SAAL1: variants seen among roughly 807,000 people sequenced by gnomAD.
SAAL1 encodes the protein serum amyloid A like 1, also known as protein SAAL1.
Under a neutral mutation model 59.8 loss-of-function variants are expected in SAAL1, and 42 were observed. The ratio of observed to expected loss-of-function variants is 0.70; its 90% CI spans 0.55 to 0.91. The LOEUF (loss-of-function observed/expected upper bound fraction) is 0.91. Ranked by LOEUF, SAAL1 falls within the 40% of genes least tolerant of loss-of-function variation. The pLI is 0.00. For missense variants in SAAL1, 542 were observed against 561.1 expected, an observed-to-expected ratio of 0.97 and a Z score of 0.34; for synonymous variants, 191 against 194.3, an observed-to-expected ratio of 0.98 and a Z score of 0.14.
chr11:18,090,144 C>A, intron 6 of SAAL1, 31 bp downstream of exon 6: 1 of 1,386,414 alleles, frequency 7.2e-7, no homozygotes, highest in Non-Finnish European at 9.7e-7. Flanking sequence ...CAATTTAAAA[C>A]ATTTTTTTTC....
At chr11:18,090,909 A>G (rs976666023) in intron 4 of SAAL1, 1 of 154,962 alleles carries the variant, frequency 6.5e-6, no homozygotes, top group Non-Finnish European at 1.4e-5. Context: ...GAAGACAGTC[A>G]AGGAGGGGAG....
Position 18,090,263 on chromosome 11 carries a change from T to G in SAAL1, c.501A>C (p.Ala167=). The change falls in exon 6 of 12, where the codon GCA becomes GCC. Residue 167 remains alanine (A), a synonymous_variant. Transcript: ENST00000524803. ...TTTCAACCCAAACACTGGCCACTTC[T>G]GCCTGGGAAAGGCAAGTAAGCAACA... ...SRLLLTCLSQ[A]EVASVWVERI... 1 of 1,606,412 alleles carries G rather than the reference T, an allele frequency of 6.2e-7. No homozygotes were observed. Among genetic ancestry groups the G allele is most frequent in the South Asian group, 1.1e-5 (1 of 88,642 alleles).
chr11:18,080,499 TCAAA>T lies in SAAL1; in HGVS notation c.1333-12_1333-9del, dbSNP rs548515589. On this transcript the variant is annotated splice_polypyrimidine_tract_variant and intron_variant, in intron 11 of 11. Coordinates refer to ENST00000524803, the MANE Select transcript of SAAL1 (RefSeq NM_138421.3). ...TTTAATAAAATCTTCCACCTGTGAG[TCAAA>T]CAAACAAACAAAAATCAAACACAGA... 2.4e-4 allele frequency: 379 copies of T among 1,560,282 alleles called. 1 individual carries two copies. In the African/African-American group the frequency reaches 2.8e-3, roughly 12 times the overall value.
intron 1 of SAAL1, among the ~76,000 whole-genome samples, chr11:18,104,734 T>C: frequency 6.6e-6 from 1 of 152,160 alleles, no homozygotes; most frequent in South Asian, 2.1e-4. Flanking sequence ...TGTTTGGGGA[T>C]GGTGAACAGT....
At chr11:18,087,568 G>A (rs748743569) in intron 7 of SAAL1, among the ~76,000 whole-genome samples, 46 of 152,120 alleles carry the variant, frequency 3.0e-4, no homozygotes, top group South Asian at 4.1e-4. Context: ...AAAAGACTGC[G>A]ATTTTTATAG....
Position 18,106,067 on chromosome 11 carries a change from G to C in SAAL1, c.-26C>G. The C allele has an allele frequency of 1.3e-6, 2 of 1,584,430 alleles. No individual in the cohort carries two copies. The highest frequency in any genetic ancestry group is 1.7e-6 in the Non-Finnish European group (2 of 1,172,070). ...GACTTTGTCGCGTCCCGCGCTTGAA[G>C]GCCGTGCCGGAAGCTGCGGAGGAGA... On this transcript the variant is annotated 5_prime_UTR_variant, in exon 1 of 12. Coordinates refer to ENST00000524803, the MANE Select transcript of SAAL1 (RefSeq NM_138421.3).
Position 18,104,970 on chromosome 11 carries a change from T to TG in SAAL1, c.135+936dup, listed in dbSNP as rs1428027753. On this transcript the variant is annotated intron_variant, in intron 1 of 11. Transcript: ENST00000524803. ...AGGAGAGGAACCAATTAGGGAAACA[T>TG]GGGGGGAAGAAAACACATTTACTGA... 1.2e-4 allele frequency among the ~76,000 whole-genome samples: 18 copies of TG among 152,124 alleles called. 1 individual carries two copies. The East Asian group carries it at 3.3e-3, about 28-fold the overall frequency.
intron 7 of SAAL1, among the ~76,000 whole-genome samples, chr11:18,087,560 A>G (rs1400677315): frequency 6.6e-6 from 1 of 152,228 alleles, no homozygotes; most frequent in Non-Finnish European, 1.5e-5. Context: ...AGAACAAAAA[A>G]AGACTGCGAT....
intron 2 of SAAL1, 36 bp from the exon 3 acceptor site, chr11:18,096,890 A>C (rs900270078): frequency 2.8e-6 from 3 of 1,068,508 alleles, no homozygotes; most frequent in Non-Finnish European, 4.3e-6. Flanking sequence ...TGGATGTTGA[A>C]TATTCCTCCC....
intron 2 of SAAL1, among the ~76,000 whole-genome samples, chr11:18,102,863 G>A (rs1224660085): frequency 1.3e-5 from 2 of 152,228 alleles, no homozygotes; most frequent in Admixed American, 6.5e-5. Flanking sequence ...ATTATTTATT[G>A]TCCTTTCCTT....
intron 2 of SAAL1, among the ~76,000 whole-genome samples, chr11:18,101,260 C>A (rs182715470): frequency 3.5e-4 from 53 of 152,246 alleles, no homozygotes; most frequent in African/African-American, 1.1e-3. Context: ...ACCGTATGAT[C>A]CAGCCATGCC....
In SAAL1 at chr11:18,081,514, A is replaced by C. The variant is rs1848409358; in HGVS notation, c.1240-11T>G. ...CTGAGCCACCGTCTCCTAAAACAACAACAAGATTTAATGTCAAAAAAGGAA... is the reference window on the plus strand; with the variant it reads ...CTGAGCCACCGTCTCCTAAAACAACCACAAGATTTAATGTCAAAAAAGGAA... On this transcript the variant is annotated splice_polypyrimidine_tract_variant and intron_variant, in intron 10 of 11. Transcript: ENST00000524803. The C allele has an allele frequency of 1.4e-5, 22 of 1,612,034 alleles. No individual in the cohort carries two copies. Among genetic ancestry groups the C allele is most frequent in the Non-Finnish European group, 1.9e-5 (22 of 1,178,348 alleles).
At chr11:18,083,755 T>A (rs3741199) in intron 9 of SAAL1, 24 bp from the exon 10 acceptor site, 2 of 1,524,558 alleles carry the variant, frequency 1.3e-6, no homozygotes, top group South Asian at 1.3e-5. Context: ...TCAAGAAGCA[T>A]GGAATTGGCC....
chr11:18,097,544 G>A (rs527384749), intron 2 of SAAL1, among the ~76,000 whole-genome samples: 3 of 152,200 alleles, frequency 2.0e-5, no homozygotes, highest in Admixed American at 6.5e-5. Context: ...GGGGGACAAG[G>A]GAAAAAAGCA....
chr11:18,092,840 G>C (rs2134060688), intron 3 of SAAL1, among the ~76,000 whole-genome samples: 1 of 152,266 alleles, frequency 6.6e-6, no homozygotes, highest in South Asian at 2.1e-4. Flanking sequence ...GATGCTCAAG[G>C]AGGGGAGACA....
At chr11:18,100,312 A>C (rs1848621742) in intron 2 of SAAL1, among the ~76,000 whole-genome samples, 3 of 152,244 alleles carry the variant, frequency 2.0e-5, no homozygotes, top group Non-Finnish European at 4.4e-5. Context: ...GCTATAAAAC[A>C]AATCTCAACA....
Position 18,104,793 on chromosome 11 carries a change from T to TGTAC in SAAL1, c.135+1110_135+1113dup, listed in dbSNP as rs571529907. ...ATCATGAGAAGATGAGGCTGGAAAA[T>TGTAC]GTACAAACAGCCCTGGATTCCAAAC... is the stretch of plus-strand genomic sequence containing the variant. On this transcript the variant is annotated intron_variant, in intron 1 of 11. Coordinates refer to ENST00000524803, the MANE Select transcript of SAAL1 (RefSeq NM_138421.3). Among the ~76,000 whole-genome samples, 13 of 152,192 alleles carry TGTAC rather than the reference T, an allele frequency of 8.5e-5. No homozygotes were observed. The South Asian group carries it at 2.7e-3, about 32-fold the overall frequency.
chr11:18,100,448 C>T (rs1257156619), intron 2 of SAAL1, among the ~76,000 whole-genome samples: 10 of 152,178 alleles, frequency 6.6e-5, no homozygotes, highest in Admixed American at 6.5e-4. Context: ...TTCTGAACTT[C>T]TGCGGGCATG....
Position 18,090,459 on chromosome 11 carries a change from G to T in SAAL1, c.448C>A (p.Pro150Thr). ...VLLHCLYDSD[P>T]PTLLETSRLL... ...CTGCTTGTTTCCAGCAGAGTAGGTGGGTCTGAATCATACAAACAGTGCAAT... is the reference window on the plus strand; with the variant it reads ...CTGCTTGTTTCCAGCAGAGTAGGTGTGTCTGAATCATACAAACAGTGCAAT... The change falls in exon 5 of 12, where the codon CCA (proline) becomes ACA (threonine). Residue 150 changes from proline to threonine, a missense_variant. Pro to Thr is a conservative substitution (Grantham distance 38, BLOSUM62 -1). Coordinates refer to ENST00000524803, the MANE Select transcript of SAAL1 (RefSeq NM_138421.3). 6.2e-7 allele frequency: 1 copy of T among 1,610,458 alleles called. No individual in the cohort carries two copies. Among genetic ancestry groups the T allele is most frequent in the African/African-American group, 1.3e-5 (1 of 74,674 alleles).
Sources: allele counts gnomAD v4.1 joint callset (sites outside exome capture counted in the v4.1 genomes callset), GRCh38; gene constraint gnomAD v4.1.1; transcripts MANE v1.5; gene names NCBI Gene and HGNC (gene_info 2026-07-23, HGNC 2026-07-21).